Variants in EHMT2 observed in about 807,000 individuals in gnomAD.
EHMT2 encodes histone-lysine N-methyltransferase EHMT2.
EHMT2 carries 59 observed loss-of-function variants against 143.3 expected under a neutral mutation model. The observed-to-expected ratio is 0.41, with a 90% CI of 0.33 to 0.51. The LOEUF (loss-of-function observed/expected upper bound fraction) is 0.51. EHMT2 is among the 20% of genes least tolerant of loss of function. The pLI is 0.18. For synonymous variants in EHMT2, 604 were observed against 651.5 expected (o/e 0.93, Z 1.11); for missense variants, 1,174 against 1,645.9 (o/e 0.71, Z 4.96).
rs914400707 is a variant in EHMT2, at chr6:31,884,434, C to T, written c.2729G>A (p.Gly910Glu). Reference sequence around the variant, plus strand: ...TGTGCGGATGGCCCGATTTCCCACCCCAAGTCGGAGCTTGCGGTTGAGTTG... The same window carrying T: ...TGTGCGGATGGCCCGATTTCCCACCTCAAGTCGGAGCTTGCGGTTGAGTTG... Residue 910 changes from glycine to glutamate, a missense_variant, in exon 21 of 28, where the codon GGG becomes GAG. Gly to Glu is a moderately conservative substitution (Grantham distance 98). This residue lies in a region of EHMT2 where 608 missense variants were observed against 903.7 expected (regional missense o/e 0.67). Transcript: ENST00000375537. The surrounding 1 kb of genome is among the most constrained non-coding windows in gnomAD (Gnocchi z 7.3). 6.2e-7 allele frequency: 1 copy of T among 1,612,796 alleles called. No individual in the cohort carries two copies. Among genetic ancestry groups the T allele is most frequent in the South Asian group, 1.1e-5 (1 of 91,084 alleles).
chr6:31,896,833 G>A lies in EHMT2; in HGVS notation c.110-9C>T, dbSNP rs781732903. On this transcript the variant is annotated splice_polypyrimidine_tract_variant and intron_variant, in intron 2 of 27. Transcript: ENST00000375537. ...CCCCAAAGAGCCATGAACTGTAGAG[G>A]AAGAGAAAAAGTTCAGAGCTAAGGG... 16 of 1,612,668 alleles carry A rather than the reference G, an allele frequency of 9.9e-6. No individual in the cohort carries two copies. The highest frequency in any genetic ancestry group is 2.7e-5 in the African/African-American group (2 of 74,920).
Position 31,881,326 on chromosome 6 carries a change from A to G in EHMT2, c.3198-234T>C, listed in dbSNP as rs578235162. ...GACAACAAGCTCTGTGGTTAAGGGGATTAATGTGTAGGGGCAGTTGGCCTG... is the reference window on the plus strand; with the variant it reads ...GACAACAAGCTCTGTGGTTAAGGGGGTTAATGTGTAGGGGCAGTTGGCCTG... On this transcript the variant is annotated intron_variant, in intron 25 of 27. Coordinates refer to ENST00000375537, the Ensembl canonical transcript of EHMT2. The surrounding 1 kb of genome is among the most constrained non-coding windows in gnomAD (Gnocchi z 4.8). The G allele has an allele frequency of 1.7e-6, 1 of 600,378 alleles. No homozygotes were observed. The allele number at this position is 600,378 out of a possible 1,614,324, so 37.2% of individuals were successfully genotyped here.
At chr6:31,882,433 G>C (rs72842428) in intron 25 of EHMT2, among the ~76,000 whole-genome samples, 1 of 152,186 alleles carries the variant, frequency 6.6e-6, no homozygotes, top group Non-Finnish European at 1.5e-5. Context: ...TGGAGGGGAA[G>C]GTAGAGGGTG....
At chr6:31,885,110 C>T in intron 18 of EHMT2, 94 bp from the exon 19 acceptor site, 2 of 1,442,486 alleles carry the variant, frequency 1.4e-6, no homozygotes, top group Non-Finnish European at 1.8e-6. Context: ...AATCCCAGCT[C>T]CACCATTCAC....
At chr6:31,897,285 G>C (rs1423371459) in intron 1 of EHMT2, 10 of 724,668 alleles carry the variant, frequency 1.4e-5, no homozygotes, top group Non-Finnish European at 1.5e-5. Context: ...TGCACGCGCC[G>C]CTCCCCCTTT....
Position 31,884,334 on chromosome 6 carries a change from G to C in EHMT2, c.2771+58C>G. On this transcript the variant is annotated intron_variant, in intron 21 of 27. Transcript: ENST00000375537. This position sits in a 1 kb window ranked among gnomAD's most constrained non-coding sequence, Gnocchi z 7.3. The stretch of plus-strand genomic sequence containing the variant: ...TGTTGTGAGGATGCAATGGAGCCTG[G>C]GGAGGGTATGGGTGGGGAGGAGGTG... The C allele has an allele frequency of 6.4e-7, 1 of 1,555,040 alleles. No homozygotes were observed. The highest frequency in any genetic ancestry group is 8.7e-7 in the Non-Finnish European group (1 of 1,148,922).
chr6:31,886,613 G>A (rs148599245), exon 18 of EHMT2: 2 of 1,613,168 alleles, frequency 1.2e-6, no homozygotes, highest in African/African-American at 2.7e-5. Context: ...CCTGTGCTCA[G>A]CAGCAGGCTG....
chr6:31,893,345 A>G, intron 4 of EHMT2: 1 of 448,622 alleles, frequency 2.2e-6, no homozygotes, highest in African/African-American at 2.0e-5. Flanking sequence ...TTAAGAGATA[A>G]GGTCTCATTC....
At chr6:31,885,089 CTGTG>C (rs756171009) in intron 18 of EHMT2, 73 bp from the exon 19 acceptor site, 121 of 1,514,168 alleles carry the variant, frequency 8.0e-5, no homozygotes, top group Admixed American at 3.9e-4. Context: ...TCAAGATTGG[CTGTG>C]TGTGTGAATC....
Position 31,883,949 on chromosome 6 carries a change from C to T in EHMT2, c.2773G>A (p.Asp925Asn). 1 of 1,613,520 alleles carries T rather than the reference C, an allele frequency of 6.2e-7. No homozygotes were observed. Among genetic ancestry groups the T allele is most frequent in the South Asian group, 1.1e-5 (1 of 91,054 alleles). ...ACGTTCTCATAGCCCCGAGCCACGTCCCTGCAGAAGACGGGAAGAAGGGGC... is the reference window on the plus strand; with the variant it reads ...ACGTTCTCATAGCCCCGAGCCACGTTCCTGCAGAAGACGGGAAGAAGGGGC... The change falls in exon 22 of 28, where the codon GAC becomes AAC. Residue 925 changes from aspartate (D) to asparagine (N), a missense_variant and splice_region_variant. By Grantham distance (23) the Asp-to-Asn change is conservative. Coordinates refer to ENST00000375537, the Ensembl canonical transcript of EHMT2. The surrounding 1 kb of genome is among the most constrained non-coding windows in gnomAD (Gnocchi z 5.6).
Position 31,889,137 on chromosome 6 carries a change from G to A in EHMT2, c.1115-67C>T. ...TGCCTGGACGCGTGGGTACATGCAG[G>A]TGGACATGCGAGAGCGTGTGTGTGC... On this transcript the variant is annotated intron_variant, in intron 9 of 27. Coordinates refer to ENST00000375537, the Ensembl canonical transcript of EHMT2. This position sits in a 1 kb window ranked among gnomAD's most constrained non-coding sequence, Gnocchi z 5.1. 1 of 1,535,406 alleles carries A rather than the reference G, an allele frequency of 6.5e-7. No individual in the cohort carries two copies. The highest frequency in any genetic ancestry group is 1.2e-5 in the South Asian group (1 of 85,694).
At chr6:31,886,086 CA>C (rs35648327) in intron 18 of EHMT2, 4,725 of 102,418 alleles carry the variant, frequency 0.046, 184 homozygotes, top group African/African-American at 0.13. Context: ...GACTCCGTCT[CA>C]AAAAAAAAAA....
In EHMT2 at chr6:31,883,658, C is replaced by T. The variant is rs1009126234; in HGVS notation, c.2916+148G>A. ...CTTGCTGTGACCTAGGAAAAGGATC[C>T]CTCCCCTGGTGGGGATGCGACCCCA... On this transcript the variant is annotated intron_variant, in intron 22 of 27. Transcript: ENST00000375537. The surrounding 1 kb of genome is among the most constrained non-coding windows in gnomAD (Gnocchi z 5.6). 9 of 1,223,980 alleles carry T rather than the reference C, an allele frequency of 7.4e-6. No homozygotes were observed. The highest frequency in any genetic ancestry group is 2.0e-5 in the Admixed American group (1 of 49,240). The allele number at this position is 1,223,980 out of a possible 1,614,324, so 75.8% of individuals were successfully genotyped here.
In EHMT2 at chr6:31,888,023, G is replaced by A; in HGVS notation, c.1745+18C>T. ...GGTGGGGGAGGGAACAGACAGTACA[G>A]AAGGGGGAGGCCAGTACCTGGGCTG... is the stretch of plus-strand genomic sequence containing the variant. On this transcript the variant is annotated intron_variant, in intron 13 of 27. Transcript: ENST00000375537. This position sits in a 1 kb window ranked among gnomAD's most constrained non-coding sequence, Gnocchi z 7.4. The A allele has an allele frequency of 6.4e-7, 1 of 1,572,298 alleles. No individual in the cohort carries two copies. Among genetic ancestry groups the A allele is most frequent in the Non-Finnish European group, 8.6e-7 (1 of 1,159,416 alleles).
intron 18 of EHMT2, 51 bp from the exon 19 acceptor site, chr6:31,885,067 A>G (rs777540768): frequency 6.4e-6 from 10 of 1,559,576 alleles, no homozygotes. Context: ...TGCTCACCAA[A>G]GCAGCAAATG....
At position 31,889,545 on chromosome 6, in the gene EHMT2, C is replaced by A; in HGVS notation, c.922G>T (p.Glu308Ter). ...TCCTCCTCTTCCTCTTCTTCTTCTT[C>A]CTCCTCTTCCTCCTCCTCCTCTTCA... Residue 308 changes from glutamate (E) to a stop codon, truncating the protein, a stop_gained, in exon 8 of 28, where the codon GAA (glutamate) becomes TAA (stop). Coordinates refer to ENST00000375537, the Ensembl canonical transcript of EHMT2. LOFTEE classifies it high-confidence loss of function. This position sits in a 1 kb window ranked among gnomAD's most constrained non-coding sequence, Gnocchi z 5.1. The A allele has an allele frequency of 6.2e-7, 1 of 1,611,516 alleles. No homozygotes were observed. Among genetic ancestry groups the A allele is most frequent in the Non-Finnish European group, 8.5e-7 (1 of 1,179,566 alleles).
rs762038923 is a variant in EHMT2, at chr6:31,885,008, C to T, written c.2352G>A (p.Gly784=). ...CAGCCCAGATGATGGGCGTCCACCC[C>T]CCACTGTCCTGTGGGTGGGAAGGGA... Residue 784 remains glycine, a synonymous_variant, in exon 19 of 28, where the codon GGG becomes GGA. Transcript: ENST00000375537. 4.4e-5 allele frequency: 71 copies of T among 1,606,950 alleles called. 1 individual carries two copies. Among genetic ancestry groups the T allele is most frequent in the Admixed American group, 1.0e-4 (6 of 59,826 alleles).
exon 25 of EHMT2, chr6:31,882,725 G>T: frequency 6.2e-7 from 1 of 1,612,684 alleles, no homozygotes; most frequent in Non-Finnish European, 8.5e-7. Flanking sequence ...CCTGTGGGAT[G>T]GTCTGCAGGG....
Position 31,884,285 on chromosome 6 carries a change from G to T in EHMT2, c.2771+107C>A. 7.5e-7 allele frequency: 1 copy of T among 1,329,726 alleles called. No homozygotes were observed. The highest frequency in any genetic ancestry group is 1.0e-6 in the Non-Finnish European group (1 of 975,998). The allele number at this position is 1,329,726 out of a possible 1,614,324, so 82.4% of individuals were successfully genotyped here. A position where few individuals can be genotyped will look rare whatever the true frequency, so the allele number is the denominator to read the frequency against. On this transcript the variant is annotated intron_variant, in intron 21 of 27. Coordinates refer to ENST00000375537, the Ensembl canonical transcript of EHMT2. The surrounding 1 kb of genome is among the most constrained non-coding windows in gnomAD (Gnocchi z 7.3). ...CTGTGGGTGGTTCTGGGGATTCAGT[G>T]GTGCATGGGGAGGGGTTGGGGAATG... is the stretch of plus-strand genomic sequence containing the variant.
Sources: gnomAD v4.1 joint callset for allele counts (sites outside exome capture counted in the v4.1 genomes callset) on GRCh38, gnomAD v4.1.1 for gene constraint, gnomAD v4.1.1 regional missense constraint, Gnocchi (gnomAD v3.1) non-coding constraint, MANE v1.5 for transcripts, NCBI Gene and HGNC (gene_info 2026-07-23, HGNC 2026-07-21) for gene names.